Variants in DTNA observed in about 807,000 individuals in gnomAD.
DTNA encodes the protein dystrobrevin alpha.
A neutral mutation model predicts 100.7 loss-of-function variants in DTNA; 43 were observed. The ratio of observed to expected loss-of-function variants is 0.43; its 90% CI spans 0.33 to 0.55. The LOEUF (loss-of-function observed/expected upper bound fraction) is 0.55, where lower values mean the gene tolerates loss of function less well. Ranked by LOEUF, DTNA falls within the 20% of genes least tolerant of loss-of-function variation. The probability of loss-of-function intolerance (pLI) is 0.04; values close to 1 mark genes in which losing one functional copy is unlikely to be tolerated. For missense variants in DTNA, 798 were observed against 953.9 expected (o/e 0.84, Z 2.15); for synonymous variants, 349 against 347.9 (o/e 1.00, Z -0.04).
chr18:34,730,486 G>T (rs930177890), intron 1 of DTNA, among the ~76,000 whole-genome samples: 5 of 152,064 alleles, frequency 3.3e-5, no homozygotes, highest in Non-Finnish European at 5.9e-5. Flanking sequence ...GTGGCCCCTT[G>T]TTCAGTCTTG....
chr18:34,522,764 A>G lies in DTNA; in HGVS notation c.-2+29250A>G, dbSNP rs544601021. ...CTAGCTCTCACCACAGTATACCCAC[A>G]CACAGACCCCTAAGAAGGCTGGCCG... On this transcript the variant is annotated intron_variant, in intron 1 of 19. Transcript: ENST00000283365. Among the ~76,000 whole-genome samples the G allele has an allele frequency of 6.4e-4, 97 of 152,272 alleles. 2 individuals are homozygous for G. In the South Asian group the frequency reaches 7.0e-3, roughly 11 times the overall value.
At chr18:34,689,711 C>A (rs549943741) in intron 1 of DTNA, among the ~76,000 whole-genome samples, 1 of 152,220 alleles carries the variant, frequency 6.6e-6, no homozygotes, top group African/African-American at 2.4e-5. Context: ...AGCTGGCAGG[C>A]AGAAATGTTT....
intron 1 of DTNA, among the ~76,000 whole-genome samples, chr18:34,547,409 T>A (rs1452625622): frequency 6.6e-6 from 1 of 152,114 alleles, no homozygotes; most frequent in Non-Finnish European, 1.5e-5. Flanking sequence ...TTCTACGGAT[T>A]TGCTCTGAGC....
At chr18:34,845,621 A>T (rs1167097506) in intron 13 of DTNA, among the ~76,000 whole-genome samples, 1 of 152,220 alleles carries the variant, frequency 6.6e-6, no homozygotes, top group Admixed American at 6.5e-5. Flanking sequence ...CAGAAATGAT[A>T]AACATGTTAA....
At chr18:34,565,863 C>T (rs1324040459) in intron 1 of DTNA, among the ~76,000 whole-genome samples, 1 of 152,176 alleles carries the variant, frequency 6.6e-6, no homozygotes, top group Non-Finnish European at 1.5e-5. Context: ...CTGCTACAGC[C>T]ACCTAGAGTA....
At chr18:34,733,071 C>T (rs930035771) in intron 1 of DTNA, among the ~76,000 whole-genome samples, 10 of 152,146 alleles carry the variant, frequency 6.6e-5, no homozygotes, top group African/African-American at 1.4e-4. Flanking sequence ...CAGTAGTCCC[C>T]GAAATATCTG....
chr18:34,581,263 AAAACAAAACAAAAAAAC>A (rs1310646035), intron 1 of DTNA, among the ~76,000 whole-genome samples: 2 of 147,590 alleles, frequency 1.4e-5, no homozygotes, highest in African/African-American at 5.2e-5. Flanking sequence ...AAAACAAAAC[AAAACAAAACAAAAAAAC>A]AAAACAAAAA....
intron 3 of DTNA, among the ~76,000 whole-genome samples, chr18:34,788,074 G>A (rs2094570987): frequency 6.6e-6 from 1 of 152,098 alleles, no homozygotes; most frequent in Admixed American, 6.5e-5. Flanking sequence ...GTGCCTAGTA[G>A]CAGGTGCTCT....
chr18:34,536,718 T>C (rs1233793193), intron 1 of DTNA, among the ~76,000 whole-genome samples: 1 of 152,002 alleles, frequency 6.6e-6, no homozygotes, highest in Non-Finnish European at 1.5e-5. Flanking sequence ...TGGCTTTCTT[T>C]TTAAGTTGCA....
At position 34,882,178 on chromosome 18, in the gene DTNA, A is replaced by G. The variant is rs760871393; in HGVS notation, c.2272A>G (p.Lys758Glu). The stretch of plus-strand genomic sequence containing the variant: ...CCAGATGGAGGAATACCTGAAACAG[A>G]AGCTGCAAGATGAAGCTTATCAGGT... ...ELQMEEYLKQ[K>E]LQDEAYQVSL... Residue 758 changes from lysine (K) to glutamate (E), a missense_variant, in exon 21 of 23, where the codon AAG (lysine) becomes GAG (glutamate). Coordinates refer to ENST00000444659, the MANE Select transcript of DTNA (RefSeq NM_001386795.1). 6.2e-7 allele frequency: 1 copy of G among 1,613,976 alleles called. No homozygotes were observed. The highest frequency in any genetic ancestry group is 8.5e-7 in the Non-Finnish European group (1 of 1,179,956).
intron 1 of DTNA, among the ~76,000 whole-genome samples, chr18:34,677,852 G>A (rs1223868548): frequency 6.6e-6 from 1 of 152,194 alleles, no homozygotes; most frequent in Non-Finnish European, 1.5e-5. Context: ...GGTTAATTGT[G>A]TAGTGAAAGT....
At chr18:34,701,065 T>C (rs1043333106) in intron 1 of DTNA, among the ~76,000 whole-genome samples, 1 of 152,186 alleles carries the variant, frequency 6.6e-6, no homozygotes, top group African/African-American at 2.4e-5. Context: ...TCTCTGCCTG[T>C]AGTGGACCAC....
chr18:34,840,121 G>A (rs1019548614), intron 13 of DTNA, among the ~76,000 whole-genome samples: 2 of 152,082 alleles, frequency 1.3e-5, no homozygotes, highest in Admixed American at 1.3e-4. Flanking sequence ...GTACATACAT[G>A]TATCTTAATT....
chr18:34,740,332 C>T (rs920581471), intron 1 of DTNA, among the ~76,000 whole-genome samples: 3 of 152,096 alleles, frequency 2.0e-5, no homozygotes, highest in African/African-American at 7.2e-5. Context: ...TTGAGTACCC[C>T]CTGGGAAAAA....
At chr18:34,857,416 C>T (rs2096565707) in intron 15 of DTNA, among the ~76,000 whole-genome samples, 1 of 152,196 alleles carries the variant, frequency 6.6e-6, no homozygotes, top group African/African-American at 2.4e-5. Context: ...GAGTAGGAAA[C>T]TGACACCCCC....
chr18:34,871,216 C>T (rs1356779390), intron 17 of DTNA, among the ~76,000 whole-genome samples: 1 of 152,184 alleles, frequency 6.6e-6, no homozygotes, highest in Non-Finnish European at 1.5e-5. Context: ...TTCCTTGAAG[C>T]ATCCCTCATT....
At chr18:34,830,461 C>G (rs2095978830) in intron 11 of DTNA, among the ~76,000 whole-genome samples, 1 of 152,184 alleles carries the variant, frequency 6.6e-6, no homozygotes, top group African/African-American at 2.4e-5. Context: ...TCAAAAGACA[C>G]AGGGATATAA....
At chr18:34,835,440 A>G (rs1048553191) in intron 11 of DTNA, among the ~76,000 whole-genome samples, 5 of 152,226 alleles carry the variant, frequency 3.3e-5, no homozygotes, top group Non-Finnish European at 5.9e-5. Context: ...TAAGAGATGT[A>G]TATATATAGA....
chr18:34,616,435 G>A (rs2055296386), intron 1 of DTNA, among the ~76,000 whole-genome samples: 2 of 152,138 alleles, frequency 1.3e-5, no homozygotes, highest in African/African-American at 4.8e-5. Flanking sequence ...CCACAGAATG[G>A]TATACAATAT....
Sources: gnomAD v4.1 joint callset for allele counts (sites outside exome capture counted in the v4.1 genomes callset) on GRCh38, gnomAD v4.1.1 for gene constraint, MANE v1.5 for transcripts, NCBI Gene and HGNC (gene_info 2026-07-23, HGNC 2026-07-21) for gene names.